COL19A1: variants seen among roughly 807,000 people sequenced by gnomAD.
COL19A1 encodes collagen alpha-1(XIX) chain.
Under a neutral mutation model 190.2 loss-of-function variants are expected in COL19A1, and 159 were observed. The ratio of observed to expected loss-of-function variants is 0.84; its 90% CI spans 0.73 to 0.95. COL19A1 has a LOEUF of 0.95. Among genes scored for constraint, COL19A1 ranks in the 40% least tolerant of loss-of-function variants. The pLI is 0.00. For missense variants in COL19A1, 1,418 were observed against 1,431.9 expected (o/e 0.99, Z 0.16); for synonymous variants, 509 against 458.9 (o/e 1.11, Z -1.39).
intron 14 of COL19A1, among the ~76,000 whole-genome samples, chr6:70,053,604 A>G (rs1582789559): frequency 6.6e-6 from 1 of 152,228 alleles, no homozygotes; most frequent in Admixed American, 6.5e-5. Context: ...CCCTGTTTCT[A>G]AAAGGTTATG....
At chr6:70,198,430 T>C (rs746719833) in intron 48 of COL19A1, among the ~76,000 whole-genome samples, 16 of 152,198 alleles carry the variant, frequency 1.1e-4, no homozygotes, top group Non-Finnish European at 2.1e-4. Context: ...TTGAAGAAGT[T>C]ATGCAAAAAG....
chr6:70,137,862 A>G (rs558924746), intron 19 of COL19A1, 115 bp downstream of exon 19: 65 of 921,820 alleles, frequency 7.1e-5, no homozygotes, highest in Non-Finnish European at 1.5e-5. Context: ...ATGGGAAACA[A>G]CAGATCAGAT....
intron 19 of COL19A1, among the ~76,000 whole-genome samples, chr6:70,138,546 T>C (rs1200063023): frequency 1.3e-5 from 2 of 152,148 alleles, no homozygotes; most frequent in African/African-American, 4.8e-5. Context: ...TCTACCCCTT[T>C]CTTTACGAGA....
At chr6:69,909,650 A>G (rs1033684583) in intron 4 of COL19A1, among the ~76,000 whole-genome samples, 2 of 152,146 alleles carry the variant, frequency 1.3e-5, no homozygotes, top group African/African-American at 4.8e-5. Context: ...CTATATGAGT[A>G]AAACATTGAC....
intron 7 of COL19A1, among the ~76,000 whole-genome samples, chr6:69,933,096 A>T (rs1023323483): frequency 5.9e-5 from 9 of 152,232 alleles, no homozygotes; most frequent in African/African-American, 1.9e-4. Context: ...CTTTGAACTC[A>T]GTATAACTTA....
intron 13 of COL19A1, among the ~76,000 whole-genome samples, chr6:70,034,512 A>G (rs749970299): frequency 3.3e-5 from 5 of 152,190 alleles, no homozygotes; most frequent in African/African-American, 4.8e-5. Flanking sequence ...ATTAGCTGGT[A>G]TTTATAAGAT....
At chr6:69,872,325 A>C (rs1385569682) in intron 1 of COL19A1, among the ~76,000 whole-genome samples, 1 of 152,030 alleles carries the variant, frequency 6.6e-6, no homozygotes, top group East Asian at 1.9e-4. Context: ...ATAGGTATCA[A>C]TAGGCTATCT....
chr6:70,079,188 G>A (rs1782084864), intron 15 of COL19A1, among the ~76,000 whole-genome samples: 1 of 152,216 alleles, frequency 6.6e-6, no homozygotes, highest in South Asian at 2.1e-4. Context: ...AACAGGCAAA[G>A]GACTTAAGTT....
At chr6:70,056,921 A>AT (rs145356860) in intron 14 of COL19A1, among the ~76,000 whole-genome samples, 2,554 of 152,202 alleles carry the variant, frequency 0.017, 67 homozygotes, top group African/African-American at 0.057. Flanking sequence ...TTCATGTAGT[A>AT]TGTGAGTATT....
chr6:70,142,339 G>A (rs1378312580), intron 22 of COL19A1, among the ~76,000 whole-genome samples: 1 of 152,146 alleles, frequency 6.6e-6, no homozygotes, highest in Non-Finnish European at 1.5e-5. Context: ...AGTAAACAAT[G>A]TGAGCTAAAT....
At chr6:69,895,022 C>T (rs1358560652) in intron 2 of COL19A1, among the ~76,000 whole-genome samples, 4 of 152,202 alleles carry the variant, frequency 2.6e-5, no homozygotes, top group Non-Finnish European at 5.9e-5. Context: ...ACTGATTCCT[C>T]CACCAGGGAG....
chr6:70,145,152 A>G (rs2150238973), intron 25 of COL19A1, 145 bp downstream of exon 25: 1 of 658,966 alleles, frequency 1.5e-6, no homozygotes, highest in South Asian at 1.9e-5. Flanking sequence ...CTACCATTTG[A>G]CCTAGCAATC....
rs371824050 is a variant in COL19A1, at chr6:70,121,921, A to T, written c.1320A>T (p.Gly440=). Reference sequence around the variant, plus strand: ...AAGGAATACACCAAACTCTTGGTGGATATTATAACAAGGATAACAAGGTAT... The same window carrying T: ...AAGGAATACACCAAACTCTTGGTGGTTATTATAACAAGGATAACAAGGTAT... ...GIQGIHQTLG[G]YYNKDNKGND... is the part of the protein sequence containing the mutation. The change falls in exon 17 of 51, where the codon GGA becomes GGT. Residue 440 remains glycine (G), a synonymous_variant. Coordinates refer to ENST00000620364, the MANE Select transcript of COL19A1 (RefSeq NM_001858.6). The T allele has an allele frequency of 2.1e-5, 33 of 1,589,830 alleles. No individual in the cohort carries two copies. In the Admixed American group the frequency reaches 2.6e-4, roughly 13 times the overall value.
At chr6:69,883,560 TAA>T (rs1044895293) in intron 2 of COL19A1, among the ~76,000 whole-genome samples, 3 of 152,244 alleles carry the variant, frequency 2.0e-5, no homozygotes, top group African/African-American at 4.8e-5. Flanking sequence ...AGTTAAAATA[TAA>T]GTTATAACTT....
intron 49 of COL19A1, among the ~76,000 whole-genome samples, chr6:70,200,721 C>T (rs1767495161): frequency 6.6e-6 from 1 of 152,096 alleles, no homozygotes; most frequent in Non-Finnish European, 1.5e-5. Flanking sequence ...CTGAAGTGTC[C>T]CAAGGTGACT....
intron 14 of COL19A1, among the ~76,000 whole-genome samples, chr6:70,062,252 A>T (rs1780882035): frequency 6.6e-6 from 1 of 152,170 alleles, no homozygotes; most frequent in African/African-American, 2.4e-5. Context: ...CTTTAAAAAA[A>T]TTAGTTACAA....
chr6:69,875,731 A>T (rs752071213), intron 1 of COL19A1, among the ~76,000 whole-genome samples: 4 of 152,154 alleles, frequency 2.6e-5, no homozygotes, highest in Non-Finnish European at 5.9e-5. Context: ...TGTGGTTGGA[A>T]ATCAGGAATT....
At chr6:70,156,570 C>T in intron 33 of COL19A1, 100 bp from the exon 34 acceptor site, 1 of 1,321,126 alleles carries the variant, frequency 7.6e-7, no homozygotes, top group East Asian at 2.5e-5. Context: ...CTGACCCTGT[C>T]CAAATTACAT....
intron 14 of COL19A1, among the ~76,000 whole-genome samples, chr6:70,057,947 TG>T (rs1038808667): frequency 5.3e-5 from 8 of 152,138 alleles, no homozygotes; most frequent in Admixed American, 5.2e-4. Flanking sequence ...ATATGCAGTA[TG>T]GAAAGTGAGG....
Sources: gnomAD v4.1 joint callset for allele counts (sites outside exome capture counted in the v4.1 genomes callset) on GRCh38, gnomAD v4.1.1 for gene constraint, MANE v1.5 for transcripts, NCBI Gene and HGNC (gene_info 2026-07-23, HGNC 2026-07-21) for gene names.